FRMD4B: variants seen among roughly 807,000 people sequenced by gnomAD.
The protein encoded by FRMD4B is FERM domain containing 4B.
In FRMD4B, 74 loss-of-function variants were observed where a neutral mutation model predicts 141.5. The ratio of observed to expected loss-of-function variants is 0.52; its 90% CI spans 0.43 to 0.63. The LOEUF (loss-of-function observed/expected upper bound fraction) is 0.63. Ranked by LOEUF, FRMD4B falls within the 30% of genes least tolerant of loss-of-function variation. The probability of loss-of-function intolerance (pLI) is 0.00; values close to 1 mark genes in which losing one functional copy is unlikely to be tolerated. For missense variants in FRMD4B, 1,366 were observed against 1,253.4 expected (o/e 1.09, Z -1.36); for synonymous variants, 506 against 467.9 (o/e 1.08, Z -1.05).
chr3:69,230,893 T>G (rs2093300099), intron 7 of FRMD4B, among the ~76,000 whole-genome samples: 1 of 152,158 alleles, frequency 6.6e-6, no homozygotes, highest in Non-Finnish European at 1.5e-5. Flanking sequence ...ACACACATCA[T>G]GAATGTCACA....
chr3:69,475,053 G>C (rs1705961162), intron 1 of FRMD4B, among the ~76,000 whole-genome samples: 1 of 152,108 alleles, frequency 6.6e-6, no homozygotes, highest in Non-Finnish European at 1.5e-5. Flanking sequence ...GTGACCTCGG[G>C]TGTGTGCCCT....
At chr3:69,478,763 T>G (rs1706053277) in intron 1 of FRMD4B, among the ~76,000 whole-genome samples, 2 of 152,172 alleles carry the variant, frequency 1.3e-5, no homozygotes, top group Admixed American at 1.3e-4. Flanking sequence ...GTATCCTTGT[T>G]AACTTTCTGT....
intron 2 of FRMD4B, among the ~76,000 whole-genome samples, chr3:69,392,791 C>A (rs1262909289): frequency 1.3e-5 from 2 of 152,092 alleles, no homozygotes; most frequent in Non-Finnish European, 2.9e-5. Flanking sequence ...GGTCTGAATG[C>A]CTCATGTCCC....
rs56074743 is a variant in FRMD4B, at chr3:69,363,248, G to GTTTT, written c.162+22576_162+22579dup. On this transcript the variant is annotated intron_variant, in intron 1 of 22. Transcript: ENST00000398540. ...AAAAAGGATCACTTCTTTTTACCAT[G>GTTTT]TTTTTTTTTTTTTTTTAAATAGAGA... 8.5e-3 allele frequency among the ~76,000 whole-genome samples: 1,123 copies of GTTTT among 132,710 alleles called. 23 individuals carry two copies. The highest frequency in any genetic ancestry group is 0.03 in the African/African-American group (1,008 of 33,404). The allele number at this position is 132,710 out of a possible 152,430, so 87.1% of individuals were successfully genotyped here.
At chr3:69,397,567 C>A (rs1465496093) in intron 2 of FRMD4B, among the ~76,000 whole-genome samples, 2 of 152,104 alleles carry the variant, frequency 1.3e-5, no homozygotes, top group African/African-American at 4.8e-5. Context: ...TATGCCAAGA[C>A]ATGGATGAAT....
At chr3:69,473,916 T>G (rs1402816131) in intron 1 of FRMD4B, among the ~76,000 whole-genome samples, 2 of 152,162 alleles carry the variant, frequency 1.3e-5, no homozygotes, top group Non-Finnish European at 2.9e-5. Context: ...TTCAAGGGTT[T>G]GCGCTTAGGC....
intron 1 of FRMD4B, among the ~76,000 whole-genome samples, chr3:69,540,658 T>TACAC (rs1235500081): frequency 3.8e-4 from 29 of 76,882 alleles, no homozygotes; most frequent in African/African-American, 7.8e-4. Context: ...TATATATATA[T>TACAC]ATACACACAC....
intron 19 of FRMD4B, among the ~76,000 whole-genome samples, chr3:69,183,632 A>ATG (rs1559692407): frequency 6.6e-6 from 1 of 151,550 alleles, no homozygotes; most frequent in East Asian, 1.9e-4. Flanking sequence ...ACAGGCGCCC[A>ATG]CCACCACGCC....
intron 5 of FRMD4B, among the ~76,000 whole-genome samples, chr3:69,259,602 T>A (rs771964565): frequency 1.3e-5 from 2 of 152,244 alleles, no homozygotes; most frequent in Non-Finnish European, 2.9e-5. Flanking sequence ...TGTTCAAGTT[T>A]TATATAGTTC....
chr3:69,479,352 TC>T (rs1356542376), intron 1 of FRMD4B, among the ~76,000 whole-genome samples: 9 of 152,084 alleles, frequency 5.9e-5, no homozygotes, highest in African/African-American at 1.5e-4. Flanking sequence ...TACCGGTTGT[TC>T]CTTTCCATGT....
At chr3:69,400,074 G>C (rs942913702) in intron 2 of FRMD4B, among the ~76,000 whole-genome samples, 4 of 152,068 alleles carry the variant, frequency 2.6e-5, no homozygotes, top group Non-Finnish European at 5.9e-5. Context: ...CCTACAAAAG[G>C]AAAGTCTTTC....
At chr3:69,383,770 G>C (rs921400200) in intron 1 of FRMD4B, among the ~76,000 whole-genome samples, 1 of 151,976 alleles carries the variant, frequency 6.6e-6, no homozygotes, top group Non-Finnish European at 1.5e-5. Flanking sequence ...ATGTTGCTCA[G>C]ACTGGTCTTG....
chr3:69,238,644 C>T (rs752139397), intron 7 of FRMD4B, among the ~76,000 whole-genome samples: 8 of 152,154 alleles, frequency 5.3e-5, no homozygotes, highest in South Asian at 2.1e-4. Flanking sequence ...ATTAATCAGA[C>T]GTGGGGTACA....
chr3:69,405,775 C>G (rs771684320), intron 2 of FRMD4B, among the ~76,000 whole-genome samples: 4 of 152,140 alleles, frequency 2.6e-5, no homozygotes, highest in Non-Finnish European at 5.9e-5. Flanking sequence ...ATTAAATGAG[C>G]CATGATGACC....
At position 69,376,033 on chromosome 3, in the gene FRMD4B, A is replaced by C. The variant is rs895023021; in HGVS notation, c.162+9795T>G. Among the ~76,000 whole-genome samples, 13 of 152,322 alleles carry C rather than the reference A, an allele frequency of 8.5e-5. No individual in the cohort carries two copies. The South Asian group carries it at 1.0e-3, about 12-fold the overall frequency. Reference sequence around the variant, plus strand: ...ATTTAGAGATAAATCCCAAAAACTTACTGAAAGAAAAATAAAAGCAGCAGA... The same window carrying C: ...ATTTAGAGATAAATCCCAAAAACTTCCTGAAAGAAAAATAAAAGCAGCAGA... On this transcript the variant is annotated intron_variant, in intron 1 of 22. Transcript: ENST00000398540.
chr3:69,215,551 A>G (rs2107725004), intron 11 of FRMD4B, among the ~76,000 whole-genome samples: 1 of 152,072 alleles, frequency 6.6e-6, no homozygotes, highest in East Asian at 1.9e-4. Flanking sequence ...TTGGCCTCCC[A>G]AAGTGCTGGG....
intron 2 of FRMD4B, among the ~76,000 whole-genome samples, chr3:69,399,623 T>C (rs1704527416): frequency 6.6e-6 from 1 of 152,230 alleles, no homozygotes; most frequent in Non-Finnish European, 1.5e-5. Flanking sequence ...GTTCTAATGC[T>C]TTTCCCTCAG....
chr3:69,421,732 G>C (rs1704985257), intron 2 of FRMD4B, among the ~76,000 whole-genome samples: 1 of 152,152 alleles, frequency 6.6e-6, no homozygotes, highest in Non-Finnish European at 1.5e-5. Context: ...ATAGCCACAG[G>C]TATTAGTGGC....
intron 11 of FRMD4B, chr3:69,200,605 GACACCTCCCTA>G (rs1381794731): frequency 5.4e-5 from 64 of 1,193,988 alleles, no homozygotes; most frequent in Non-Finnish European, 6.2e-5. Context: ...TCTCCTGAGT[GACACCTCCCTA>G]ATTCTACTCC....
Sources: allele counts gnomAD v4.1 joint callset (sites outside exome capture counted in the v4.1 genomes callset), GRCh38; gene constraint gnomAD v4.1.1; transcripts MANE v1.5; gene names NCBI Gene and HGNC (gene_info 2026-07-23, HGNC 2026-07-21).